Variants in CPEB1 observed in about 807,000 individuals in gnomAD.
CPEB1 encodes the protein cytoplasmic polyadenylation element-binding protein 1.
CPEB1 carries 7 observed loss-of-function variants against 65.8 expected under a neutral mutation model. The observed-to-expected ratio is 0.11, with a 90% CI of 0.06 to 0.20. CPEB1 has a LOEUF of 0.20. Ranked by LOEUF, CPEB1 falls within the 10% of genes least tolerant of loss-of-function variation. The probability of loss-of-function intolerance (pLI) is 1.00; values close to 1 mark genes in which losing one functional copy is unlikely to be tolerated. For synonymous variants in CPEB1, 262 were observed against 260.0 expected, an observed-to-expected ratio of 1.01 and a Z score of -0.08; for missense variants, 551 against 712.2, an observed-to-expected ratio of 0.77 and a Z score of 2.58.
chr15:82,605,195 T>G (rs896463963), intron 3 of CPEB1, among the ~76,000 whole-genome samples: 1 of 151,900 alleles, frequency 6.6e-6, no homozygotes, highest in Non-Finnish European at 1.5e-5. Context: ...AAAAAGGGAG[T>G]TTGTCACTAG....
In CPEB1 at chr15:82,552,633, G is replaced by C; in HGVS notation, c.1145-17C>G. ...ACACATACCCTATTCCCAATGAGAG[G>C]AAAAATCGCATTAATATCCCTTAGG... On this transcript the variant is annotated splice_polypyrimidine_tract_variant and intron_variant, in intron 8 of 12. Coordinates refer to ENST00000684509, the MANE Select transcript of CPEB1 (RefSeq NM_001365242.1). The C allele has an allele frequency of 6.2e-7, 1 of 1,613,534 alleles. No homozygotes were observed. Among genetic ancestry groups the C allele is most frequent in the Non-Finnish European group, 8.5e-7 (1 of 1,179,664 alleles).
At chr15:82,579,319 G>C (rs1264353389) in intron 3 of CPEB1, among the ~76,000 whole-genome samples, 6 of 152,102 alleles carry the variant, frequency 3.9e-5, no homozygotes, top group Non-Finnish European at 5.9e-5. Flanking sequence ...CAAATAGCTG[G>C]ACATGGTGGT....
chr15:82,566,911 G>C (rs1278935885), intron 4 of CPEB1, among the ~76,000 whole-genome samples: 1 of 152,058 alleles, frequency 6.6e-6, no homozygotes, highest in Non-Finnish European at 1.5e-5. Context: ...GATCTTTGAA[G>C]AATCTGTCCA....
chr15:82,598,186 G>A (rs1437268867), intron 3 of CPEB1, among the ~76,000 whole-genome samples: 2 of 152,224 alleles, frequency 1.3e-5, no homozygotes, highest in Non-Finnish European at 1.5e-5. Context: ...AAAAACAAAT[G>A]TCATTTAGGC....
intron 3 of CPEB1, among the ~76,000 whole-genome samples, chr15:82,605,024 G>C (rs2049011841): frequency 6.6e-6 from 1 of 152,134 alleles, no homozygotes; most frequent in Non-Finnish European, 1.5e-5. Flanking sequence ...TGACATACAA[G>C]GGATTTTCAA....
intron 3 of CPEB1, among the ~76,000 whole-genome samples, chr15:82,574,975 C>G (rs1006706386): frequency 1.6e-4 from 24 of 152,092 alleles, no homozygotes; most frequent in African/African-American, 5.6e-4. Context: ...TGACACTAGC[C>G]TACAGTAGGG....
At chr15:82,589,354 T>C (rs1015716307) in intron 3 of CPEB1, among the ~76,000 whole-genome samples, 2 of 152,264 alleles carry the variant, frequency 1.3e-5, no homozygotes, top group African/African-American at 4.8e-5. Flanking sequence ...GAGACCTCAA[T>C]TGTATGTGGG....
intron 3 of CPEB1, among the ~76,000 whole-genome samples, chr15:82,577,554 C>G (rs1219825306): frequency 6.6e-6 from 1 of 152,144 alleles, no homozygotes; most frequent in Non-Finnish European, 1.5e-5. Context: ...GAATCTTGCT[C>G]TGTCAGGCGG....
At chr15:82,618,333 C>A (rs1277597251) in intron 3 of CPEB1, among the ~76,000 whole-genome samples, 1 of 152,168 alleles carries the variant, frequency 6.6e-6, no homozygotes, top group Non-Finnish European at 1.5e-5. Flanking sequence ...ATTGAAAACA[C>A]ACATAAATAC....
chr15:82,599,513 A>C (rs2042930029), intron 3 of CPEB1, among the ~76,000 whole-genome samples: 1 of 152,174 alleles, frequency 6.6e-6, no homozygotes, highest in African/African-American at 2.4e-5. Context: ...ACTAGTCCAA[A>C]TTCTTTAAAA....
chr15:82,584,903 C>CTTTTTTTTTTT (rs3080692), intron 3 of CPEB1, among the ~76,000 whole-genome samples: 3,937 of 81,574 alleles, frequency 0.048, 728 homozygotes, highest in African/African-American at 0.11. Flanking sequence ...TCCTAATTTG[C>CTTTTTTTTTTT]TTTTTTTTTT....
chr15:82,567,732 G>A (rs963976075), intron 4 of CPEB1, among the ~76,000 whole-genome samples: 2 of 152,188 alleles, frequency 1.3e-5, no homozygotes, highest in Non-Finnish European at 2.9e-5. Context: ...ATGTCCTCTG[G>A]CAACCTTAGA....
intron 3 of CPEB1, among the ~76,000 whole-genome samples, chr15:82,617,661 T>G (rs1181756573): frequency 6.6e-6 from 1 of 151,406 alleles, no homozygotes; most frequent in Admixed American, 6.6e-5. Context: ...AGGTACAGGA[T>G]ATACAGGAAT....
At chr15:82,560,492 C>A (rs1484159139) in intron 4 of CPEB1, among the ~76,000 whole-genome samples, 1 of 150,468 alleles carries the variant, frequency 6.6e-6, no homozygotes, top group Non-Finnish European at 1.5e-5. Flanking sequence ...TGGGCTCAAG[C>A]GATCTTCCCA....
chr15:82,548,949 C>A (rs996332074), intron 10 of CPEB1, among the ~76,000 whole-genome samples: 1 of 152,224 alleles, frequency 6.6e-6, no homozygotes, highest in Non-Finnish European at 1.5e-5. Flanking sequence ...AGGAGCTGAT[C>A]AAAACCTAGT....
chr15:82,581,681 A>G (rs2041297382), intron 3 of CPEB1, among the ~76,000 whole-genome samples: 2 of 152,174 alleles, frequency 1.3e-5, no homozygotes, highest in Admixed American at 1.3e-4. Context: ...TTTTTTAAAA[A>G]TTAGGTTGTA....
intron 1 of CPEB1, among the ~76,000 whole-genome samples, chr15:82,639,171 C>T (rs890448756): frequency 2.6e-5 from 4 of 152,144 alleles, no homozygotes; most frequent in African/African-American, 7.2e-5. Context: ...CTTCATGGTC[C>T]GCCTTCAGCT....
At chr15:82,646,240 G>A (rs1253625121) in intron 1 of CPEB1, among the ~76,000 whole-genome samples, 2 of 152,354 alleles carry the variant, frequency 1.3e-5, no homozygotes, top group East Asian at 3.9e-4. Context: ...GGACCGCACC[G>A]TCACCTGAGG....
intron 1 of CPEB1, among the ~76,000 whole-genome samples, chr15:82,644,701 G>T (rs1372167481): frequency 6.6e-6 from 1 of 152,192 alleles, no homozygotes; most frequent in Non-Finnish European, 1.5e-5. Context: ...ATACTCTGTA[G>T]TTCAGAAGCC....
Sources: allele counts gnomAD v4.1 joint callset (sites outside exome capture counted in the v4.1 genomes callset), GRCh38; gene constraint gnomAD v4.1.1; transcripts MANE v1.5; gene names NCBI Gene and HGNC (gene_info 2026-07-23, HGNC 2026-07-21).